ZNF148: variants seen among roughly 807,000 people sequenced by gnomAD.
ZNF148 encodes zinc finger protein 148.
In ZNF148, 7 loss-of-function variants were observed where a neutral mutation model predicts 67.7. The observed-to-expected ratio is 0.10, with a 90% CI of 0.06 to 0.19. The LOEUF (loss-of-function observed/expected upper bound fraction) is 0.19. Among genes scored for constraint, ZNF148 ranks in the 10% least tolerant of loss-of-function variants. The pLI, the probability that ZNF148 is intolerant of heterozygous loss-of-function variation, is 1.00. For missense variants in ZNF148, 583 were observed against 947.1 expected, an observed-to-expected ratio of 0.62 and a Z score of 5.05; for synonymous variants, 333 against 330.7, an observed-to-expected ratio of 1.01 and a Z score of -0.08.
chr3:125,313,318 A>G lies in ZNF148; in HGVS notation c.323T>C (p.Leu108Pro). 1 of 1,607,494 alleles carries G rather than the reference A, an allele frequency of 6.2e-7. No homozygotes were observed. Among genetic ancestry groups the G allele is most frequent in the Non-Finnish European group, 8.5e-7 (1 of 1,174,888 alleles). ...AAAGGAATTACTTACAGGGACATTA[A>G]GTGCATACTGTAGTCCTTGAGGAAG... ...ERLPQGLQYA[L>P]NVPISVKQEI... The change falls in exon 4 of 9, where the codon CTT becomes CCT. Residue 108 changes from leucine (L) to proline (P), a missense_variant. Physicochemically the swap from Leu to Pro is moderately conservative, Grantham distance 98. Around this residue, in one of 5 missense-constraint regions of ZNF148, gnomAD observed 150 missense variants for 202.5 expected, o/e 0.74. Coordinates refer to ENST00000360647, the MANE Select transcript of ZNF148 (RefSeq NM_021964.3).
intron 3 of ZNF148, 38 bp from the exon 4 acceptor site, chr3:125,313,694 A>C: frequency 4.1e-6 from 6 of 1,472,568 alleles, no homozygotes; most frequent in Non-Finnish European, 5.6e-6. Context: ...ATAGTAAATT[A>C]GTTTTATATG....
chr3:125,314,410 G>A (rs113732229), intron 3 of ZNF148, among the ~76,000 whole-genome samples: 12 of 152,222 alleles, frequency 7.9e-5, no homozygotes, highest in South Asian at 2.1e-4. Context: ...ATACCATAAC[G>A]AAAATGTTAA....
intron 4 of ZNF148, among the ~76,000 whole-genome samples, chr3:125,311,537 T>C (rs1975760): frequency 0.77 from 117,149 of 152,078 alleles, 45,665 homozygotes; most frequent in African/African-American, 0.85. Flanking sequence ...TTTCTGCTGA[T>C]AGTTGTATGT....
intron 7 of ZNF148, among the ~76,000 whole-genome samples, chr3:125,251,922 A>G (rs575116446): frequency 6.6e-6 from 1 of 152,262 alleles, no homozygotes; most frequent in South Asian, 2.1e-4. Context: ...GAGAGTTCCA[A>G]CTGTTCCACA....
intron 2 of ZNF148, among the ~76,000 whole-genome samples, chr3:125,328,601 A>C (rs1941132528): frequency 6.6e-6 from 1 of 152,076 alleles, no homozygotes; most frequent in Non-Finnish European, 1.5e-5. Flanking sequence ...CAAAAATAAA[A>C]AACATTATAC....
At chr3:125,300,832 T>C (rs1000352937) in intron 4 of ZNF148, among the ~76,000 whole-genome samples, 3 of 152,332 alleles carry the variant, frequency 2.0e-5, no homozygotes, top group Non-Finnish European at 2.9e-5. Flanking sequence ...GTTTTGCTAA[T>C]ACAGAACATA....
intron 2 of ZNF148, among the ~76,000 whole-genome samples, 154 bp from the exon 3 acceptor site, chr3:125,323,598 A>G (rs1228888822): frequency 3.3e-5 from 5 of 152,218 alleles, no homozygotes; most frequent in African/African-American, 1.2e-4. Flanking sequence ...ACTTGTTTTT[A>G]TGTTTGAAAT....
rs1245903991 is a variant in ZNF148 at position 125,232,880 on chromosome 3, T to C, written c.1846A>G (p.Thr616Ala). ...TTCAAATAGGCATCATTTTGGCTAGTTCTGTCCAAAGCCTGCTGCAGAAAC... is the reference window on the plus strand; with the variant it reads ...TTCAAATAGGCATCATTTTGGCTAGCTCTGTCCAAAGCCTGCTGCAGAAAC... ...SKFLQQALDRTSQNDAYLNSP... is the reference protein window; with the variant it reads ...SKFLQQALDRASQNDAYLNSP... The change falls in exon 9 of 9, where the codon ACT becomes GCT. Residue 616 changes from threonine (T) to alanine (A), a missense_variant. Coordinates refer to ENST00000360647, the MANE Select transcript of ZNF148 (RefSeq NM_021964.3). This position sits in a 1 kb window ranked among gnomAD's most constrained non-coding sequence, Gnocchi z 4.2. The C allele has an allele frequency of 6.2e-7, 1 of 1,613,862 alleles. No individual in the cohort carries two copies. The highest frequency in any genetic ancestry group is 8.5e-7 in the Non-Finnish European group (1 of 1,179,828).
At chr3:125,247,008 A>G (rs1421009430) in intron 7 of ZNF148, among the ~76,000 whole-genome samples, 8 of 152,232 alleles carry the variant, frequency 5.3e-5, no homozygotes, top group Admixed American at 3.3e-4. Flanking sequence ...CTAAATTACA[A>G]CCAATGAAGT....
At chr3:125,269,448 C>CAA (rs34424875) in intron 7 of ZNF148, among the ~76,000 whole-genome samples, 32,290 of 136,742 alleles carry the variant, frequency 0.24, 4,529 homozygotes, top group Middle Eastern at 0.35. Flanking sequence ...ATTAAAATGT[C>CAA]AAAAAAAAAA....
chr3:125,255,581 A>G (rs2107558545), intron 7 of ZNF148, among the ~76,000 whole-genome samples: 1 of 151,696 alleles, frequency 6.6e-6, no homozygotes, highest in South Asian at 2.1e-4. Flanking sequence ...TTCATATGGG[A>G]TCTTTTTTTT....
At chr3:125,283,651 C>T (rs562762900) in intron 5 of ZNF148, among the ~76,000 whole-genome samples, 29 of 152,128 alleles carry the variant, frequency 1.9e-4, no homozygotes, top group South Asian at 6.3e-4. Flanking sequence ...TTGCATCCTC[C>T]GTCTTATAAT....
intron 2 of ZNF148, among the ~76,000 whole-genome samples, chr3:125,328,998 G>GAGAT (rs1051843748): frequency 6.8e-5 from 10 of 147,474 alleles, no homozygotes; most frequent in African/African-American, 2.2e-4. Flanking sequence ...TTATACTACT[G>GAGAT]ATATATATAT....
rs866260632 is a variant in ZNF148 at position 125,351,916 on chromosome 3, C to T, written c.-233-20678G>A. 2.6e-5 allele frequency among the ~76,000 whole-genome samples: 4 copies of T among 152,248 alleles called. No individual in the cohort carries two copies. In the South Asian group the frequency reaches 8.3e-4, roughly 32 times the overall value. On this transcript the variant is annotated intron_variant, in intron 1 of 8. Coordinates refer to ENST00000360647, the MANE Select transcript of ZNF148 (RefSeq NM_021964.3). Reference sequence around the variant, plus strand: ...AAGTGTTATCAAGGATATGGAGAAACTGGAACCCTCATATACTGCTGATAG... The same window carrying T: ...AAGTGTTATCAAGGATATGGAGAAATTGGAACCCTCATATACTGCTGATAG...
intron 1 of ZNF148, among the ~76,000 whole-genome samples, chr3:125,367,507 G>A (rs1309461003): frequency 1.3e-5 from 2 of 152,010 alleles, no homozygotes; most frequent in Admixed American, 6.5e-5. Flanking sequence ...TCAATTCATT[G>A]CTAGTGCATA....
At chr3:125,246,105 C>G (rs1352741367) in intron 7 of ZNF148, among the ~76,000 whole-genome samples, 1 of 152,090 alleles carries the variant, frequency 6.6e-6, no homozygotes, top group Non-Finnish European at 1.5e-5. Context: ...TTTGTTATGA[C>G]AGCAAATGTA....
intron 7 of ZNF148, among the ~76,000 whole-genome samples, chr3:125,258,971 T>G (rs1937218046): frequency 1.3e-5 from 2 of 152,206 alleles, no homozygotes; most frequent in Non-Finnish European, 2.9e-5. Flanking sequence ...CCTTTTACTT[T>G]TTATTTTATA....
At chr3:125,306,975 C>G (rs909491181) in intron 4 of ZNF148, among the ~76,000 whole-genome samples, 10 of 151,582 alleles carry the variant, frequency 6.6e-5, no homozygotes, top group African/African-American at 2.4e-4. Context: ...TACACAAACT[C>G]TTTCAGAAAA....
At chr3:125,300,990 CTGAGT>C (rs1210285395) in intron 4 of ZNF148, among the ~76,000 whole-genome samples, 1 of 151,990 alleles carries the variant, frequency 6.6e-6, no homozygotes, top group Non-Finnish European at 1.5e-5. Context: ...AATTTTGTTT[CTGAGT>C]TGAGAGGCTT....
Sources: gnomAD v4.1 joint callset for allele counts (sites outside exome capture counted in the v4.1 genomes callset) on GRCh38, gnomAD v4.1.1 for gene constraint, gnomAD v4.1.1 regional missense constraint, Gnocchi (gnomAD v3.1) non-coding constraint, MANE v1.5 for transcripts, NCBI Gene and HGNC (gene_info 2026-07-23, HGNC 2026-07-21) for gene names.